The following CDH13 variants were observed in gnomAD, a reference collection of about 807,000 sequenced individuals.
The protein encoded by CDH13 is cadherin 13, also known as cadherin-13.
Under a neutral mutation model 63.8 loss-of-function variants are expected in CDH13, and 24 were observed. That is an observed-to-expected ratio of 0.38 (90% confidence interval 0.27 to 0.53). The LOEUF (loss-of-function observed/expected upper bound fraction) is 0.53. Among genes scored for constraint, CDH13 ranks in the 20% least tolerant of loss-of-function variants. The pLI, the probability that CDH13 is intolerant of heterozygous loss-of-function variation, is 0.85. For missense variants in CDH13, 1,049 were observed against 903.1 expected (o/e 1.16, Z -2.07); for synonymous variants, 503 against 355.3 (o/e 1.42, Z -4.67).
chr16:83,113,846 C>T (rs2035177939), intron 3 of CDH13, among the ~76,000 whole-genome samples: 1 of 152,156 alleles, frequency 6.6e-6, no homozygotes, highest in Non-Finnish European at 1.5e-5. Flanking sequence ...AGTGATAGCA[C>T]TTGAGGTCAG....
At chr16:82,963,669 C>T (rs528884393) in intron 2 of CDH13, among the ~76,000 whole-genome samples, 2 of 152,202 alleles carry the variant, frequency 1.3e-5, no homozygotes, top group Non-Finnish European at 2.9e-5. Flanking sequence ...ATATCTGCTT[C>T]GTATTTCCCC....
Position 82,776,637 on chromosome 16 carries a change from G to A in CDH13, c.46-81725G>A, listed in dbSNP as rs992466494. 2.0e-5 allele frequency among the ~76,000 whole-genome samples: 3 copies of A among 152,206 alleles called. No individual in the cohort carries two copies. In the East Asian group the frequency reaches 5.8e-4, roughly 29 times the overall value. On this transcript the variant is annotated intron_variant, in intron 1 of 13. Coordinates refer to ENST00000567109, the MANE Select transcript of CDH13 (RefSeq NM_001257.5). ...TTTTAACTGAATGAGGAAGTTAAAC[G>A]CATGTTCTGTTTTTTGTTTTCATTG...
At chr16:83,271,438 A>AAAAAAAAAAG (rs2088809446) in intron 5 of CDH13, among the ~76,000 whole-genome samples, 1 of 137,020 alleles carries the variant, frequency 7.3e-6, no homozygotes, top group Non-Finnish European at 1.6e-5. Context: ...AAAAAAAAAA[A>AAAAAAAAAAG]AAAAAAAAAA....
chr16:82,920,390 A>T (rs1364244006), intron 2 of CDH13, among the ~76,000 whole-genome samples: 1 of 152,252 alleles, frequency 6.6e-6, no homozygotes, highest in Non-Finnish European at 1.5e-5. Flanking sequence ...ACCAAAGCAC[A>T]GGATGAAGTT....
intron 3 of CDH13, among the ~76,000 whole-genome samples, chr16:83,066,710 C>T (rs193220416): frequency 6.6e-6 from 1 of 152,308 alleles, no homozygotes; most frequent in Non-Finnish European, 1.5e-5. Context: ...TCAGCAAATT[C>T]TCGCCCGGTG....
chr16:82,737,077 G>C (rs964023830), intron 1 of CDH13, among the ~76,000 whole-genome samples: 1 of 152,088 alleles, frequency 6.6e-6, no homozygotes, highest in Non-Finnish European at 1.5e-5. Context: ...AAGTTATCTT[G>C]TCATAGTTTC....
chr16:83,426,360 A>G (rs949503890), intron 6 of CDH13, among the ~76,000 whole-genome samples: 1 of 152,114 alleles, frequency 6.6e-6, no homozygotes, highest in Non-Finnish European at 1.5e-5. Flanking sequence ...CCCTCATTTG[A>G]GAAGCCAACT....
In CDH13 at chr16:83,492,591, A is replaced by G. The variant is rs1008052942; in HGVS notation, c.960+5936A>G. 2.0e-5 allele frequency among the ~76,000 whole-genome samples: 3 copies of G among 152,330 alleles called. No individual in the cohort carries two copies. The East Asian group carries it at 5.8e-4, about 29-fold the overall frequency. ...TTTAAAATAATGCATTATCCTTTCA[A>G]ATGAAACACAGCTAACCACCCTATG... On this transcript the variant is annotated intron_variant, in intron 7 of 13. Transcript: ENST00000567109.
At chr16:83,043,308 A>G (rs1449924487) in intron 3 of CDH13, among the ~76,000 whole-genome samples, 1 of 152,240 alleles carries the variant, frequency 6.6e-6, no homozygotes, top group Non-Finnish European at 1.5e-5. Flanking sequence ...TAGAAAGTAT[A>G]GATAACTAAA....
At chr16:83,588,405 A>C (rs1906386865) in intron 7 of CDH13, among the ~76,000 whole-genome samples, 1 of 152,220 alleles carries the variant, frequency 6.6e-6, no homozygotes, top group Non-Finnish European at 1.5e-5. Flanking sequence ...ACATTTACTG[A>C]GAGTGACTGA....
chr16:83,199,790 A>G (rs1190269493), intron 4 of CDH13, among the ~76,000 whole-genome samples: 1 of 152,156 alleles, frequency 6.6e-6, no homozygotes, highest in African/African-American at 2.4e-5. Flanking sequence ...GACCTCAGGA[A>G]TGCAGGTCTA....
In CDH13 at chr16:82,970,617, T is replaced by A. The variant is rs1247146980; in HGVS notation, c.158-61393T>A. Among the ~76,000 whole-genome samples, 2 of 117,364 alleles carry A rather than the reference T, an allele frequency of 1.7e-5. 1 individual carries two copies. The highest frequency in any genetic ancestry group is 4.2e-5 in the Non-Finnish European group (2 of 48,170). 77.0% of individuals were successfully genotyped at this position (117,364 alleles called of 152,430 possible). A position where few individuals can be genotyped will look rare whatever the true frequency, so the allele number is the denominator to read the frequency against. The stretch of plus-strand genomic sequence containing the variant: ...GGTTTCACCTTGTTAGCCAGGATGG[T>A]CTCAATCTCCTGACCTCATGATCCA... On this transcript the variant is annotated intron_variant, in intron 2 of 13. Transcript: ENST00000567109.
intron 2 of CDH13, among the ~76,000 whole-genome samples, chr16:82,877,313 A>G (rs1367753184): frequency 6.6e-6 from 1 of 152,224 alleles, no homozygotes; most frequent in Non-Finnish European, 1.5e-5. Context: ...CTGTTGTCCC[A>G]GATAAATTGA....
chr16:83,004,290 T>A lies in CDH13; in HGVS notation c.158-27720T>A, dbSNP rs140193348. ...GAATGCTGCCAAAGGCTCTGGAGGC[T>A]CAAAAGGAAGAACTTTGAATTCACA... On this transcript the variant is annotated intron_variant, in intron 2 of 13. Transcript: ENST00000567109. Among the ~76,000 whole-genome samples the A allele has an allele frequency of 2.7e-3, 409 of 152,220 alleles. 2 individuals are homozygous for A. The highest frequency in any genetic ancestry group is 0.014 in the Middle Eastern group (4 of 294).
chr16:83,544,408 T>C (rs1007868767), intron 7 of CDH13, among the ~76,000 whole-genome samples: 22 of 152,102 alleles, frequency 1.4e-4, no homozygotes, highest in African/African-American at 5.3e-4. Context: ...CATCGTAAGT[T>C]GAAAATTATC....
intron 6 of CDH13, among the ~76,000 whole-genome samples, chr16:83,420,859 A>C (rs139516111): frequency 6.6e-6 from 1 of 152,328 alleles, no homozygotes; most frequent in African/African-American, 2.4e-5. Flanking sequence ...CAAAGGCTGA[A>C]GAATGTGAAG....
intron 4 of CDH13, among the ~76,000 whole-genome samples, chr16:83,207,870 C>A (rs1485325317): frequency 1.3e-5 from 2 of 151,718 alleles, no homozygotes; most frequent in East Asian, 3.9e-4. Flanking sequence ...TTCCTTAGAG[C>A]TCAGTTTAAG....
At chr16:83,714,492 C>A (rs776287034) in intron 10 of CDH13, among the ~76,000 whole-genome samples, 3 of 152,118 alleles carry the variant, frequency 2.0e-5, no homozygotes, top group Non-Finnish European at 4.4e-5. Flanking sequence ...ACTGTTTCTG[C>A]CCCACAAAGG....
chr16:82,892,974 G>C (rs1048812552), intron 2 of CDH13, among the ~76,000 whole-genome samples: 4 of 152,178 alleles, frequency 2.6e-5, no homozygotes, highest in Non-Finnish European at 5.9e-5. Context: ...ATTGTGACCT[G>C]TGAACGGTAA....
Sources: gnomAD v4.1 joint callset for allele counts (sites outside exome capture counted in the v4.1 genomes callset) on GRCh38, gnomAD v4.1.1 for gene constraint, MANE v1.5 for transcripts, NCBI Gene and HGNC (gene_info 2026-07-23, HGNC 2026-07-21) for gene names.